The following LRRC8A variants were observed in gnomAD, a reference collection of about 807,000 sequenced individuals.
LRRC8A encodes volume-regulated anion channel subunit LRRC8A.
A neutral mutation model predicts 52.5 loss-of-function variants in LRRC8A; 24 were observed. That is an observed-to-expected ratio of 0.46 (90% CI 0.33 to 0.64). LRRC8A has a LOEUF of 0.64. Ranked by LOEUF, LRRC8A falls within the 30% of genes least tolerant of loss-of-function variation. The pLI, the probability that LRRC8A is intolerant of heterozygous loss-of-function variation, is 0.02. For missense variants in LRRC8A, 677 were observed against 1,094.7 expected, an observed-to-expected ratio of 0.62 and a Z score of 5.38; for synonymous variants, 492 against 494.2, an observed-to-expected ratio of 1.00 and a Z score of 0.06.
intron 1 of LRRC8A, among the ~76,000 whole-genome samples, chr9:128,883,308 C>A (rs1443486040): frequency 6.6e-6 from 1 of 152,234 alleles, no homozygotes; most frequent in African/African-American, 2.4e-5. Context: ...GTTAGTAGTA[C>A]TCTTAACCCC....
intron 3 of LRRC8A, among the ~76,000 whole-genome samples, chr9:128,910,862 C>T (rs1410934256): frequency 2.0e-5 from 3 of 152,206 alleles, no homozygotes; most frequent in African/African-American, 4.8e-5. Flanking sequence ...CTGCAGCCTC[C>T]GTGTGGCAAC....
chr9:128,908,690 C>T lies in LRRC8A; in HGVS notation c.1526C>T (p.Pro509Leu). ...AAGTTCACCGACATCAAGGAGATCC[C>T]GCTGTGGATCTATAGCCTGAAGACA... is the stretch of plus-strand genomic sequence containing the variant. ...HIKFTDIKEI[P>L]LWIYSLKTLE... Residue 509 changes from proline to leucine, a missense_variant, in exon 3 of 4, where the codon CCG becomes CTG. Transcript: ENST00000372600. 6.2e-7 allele frequency: 1 copy of T among 1,612,944 alleles called. No homozygotes were observed.
At chr9:128,904,759 C>T (rs1002702654) in intron 2 of LRRC8A, among the ~76,000 whole-genome samples, 2 of 151,884 alleles carry the variant, frequency 1.3e-5, no homozygotes, top group African/African-American at 4.8e-5. Flanking sequence ...CTTTGGGAGG[C>T]CAAGGCGGGC....
chr9:128,888,824 T>C (rs1416567199), intron 2 of LRRC8A, among the ~76,000 whole-genome samples: 1 of 151,998 alleles, frequency 6.6e-6, no homozygotes, highest in African/African-American at 2.4e-5. Context: ...CAGGAGTCTC[T>C]TTTCTCTCCC....
intron 2 of LRRC8A, among the ~76,000 whole-genome samples, chr9:128,895,101 G>A (rs991480360): frequency 6.6e-6 from 1 of 151,990 alleles, no homozygotes; most frequent in African/African-American, 2.4e-5. Flanking sequence ...TTTATGACTG[G>A]CTTCTTTCGC....
intron 2 of LRRC8A, among the ~76,000 whole-genome samples, chr9:128,890,601 G>A (rs1036309681): frequency 6.6e-6 from 1 of 152,154 alleles, no homozygotes; most frequent in African/African-American, 2.4e-5. Context: ...GGATCCCTGG[G>A]GGTAGCCCCC....
At position 128,902,138 on chromosome 9, in the gene LRRC8A, C is replaced by T. The variant is rs748632089; in HGVS notation, c.-8-5019C>T. Among the ~76,000 whole-genome samples, 1 of 152,228 alleles carries T rather than the reference C, an allele frequency of 6.6e-6. No homozygotes were observed. The highest frequency in any genetic ancestry group is 1.5e-5 in the Non-Finnish European group (1 of 68,038). On this transcript the variant is annotated intron_variant, in intron 2 of 3. Transcript: ENST00000372600. This position sits in a 1 kb window ranked among gnomAD's most constrained non-coding sequence, Gnocchi z 4.1. The stretch of plus-strand genomic sequence containing the variant: ...CTGCCATTGGAACCCCAGGGCCCTC[C>T]TCCACTCCCCAGACACACTCAAACT...
At chr9:128,883,009 C>G in intron 1 of LRRC8A, 1 of 377,794 alleles carries the variant, frequency 2.6e-6, no homozygotes, top group Non-Finnish European at 4.7e-6. Context: ...ACTGCTTCTT[C>G]CCCTTGATCT....
At position 128,916,294 on chromosome 9, in the gene LRRC8A, G is replaced by A; in HGVS notation, c.2356G>A (p.Val786Met). The part of the protein sequence containing the change: ...CPLLKRSGLV[V>M]EEDLFNTLPP... ...ACTGCTCAAGCGCAGCGGCTTGGTGGTGGAGGAGGACCTGTTCAACACACT... is the reference window on the plus strand; with the variant it reads ...ACTGCTCAAGCGCAGCGGCTTGGTGATGGAGGAGGACCTGTTCAACACACT... The change falls in exon 4 of 4, where the codon GTG becomes ATG. Residue 786 changes from valine to methionine, a missense_variant. Coordinates refer to ENST00000372600, the MANE Select transcript of LRRC8A (RefSeq NM_019594.4). The surrounding 1 kb of genome is among the most constrained non-coding windows in gnomAD (Gnocchi z 6.1). 6.2e-7 allele frequency: 1 copy of A among 1,613,372 alleles called. No individual in the cohort carries two copies. Among genetic ancestry groups the A allele is most frequent in the Non-Finnish European group, 8.5e-7 (1 of 1,179,950 alleles).
chr9:128,882,351 C>T (rs534982168), intron 1 of LRRC8A, 101 bp downstream of exon 1: 6 of 193,720 alleles, frequency 3.1e-5, no homozygotes, highest in Middle Eastern at 1.8e-3. Context: ...CCCGGGGCAT[C>T]TGGGGCTCTG....
intron 3 of LRRC8A, among the ~76,000 whole-genome samples, chr9:128,914,024 A>C (rs1324116495): frequency 1.3e-5 from 2 of 152,106 alleles, no homozygotes; most frequent in Non-Finnish European, 2.9e-5. Flanking sequence ...GGCCGACATA[A>C]TGAAACCCCG....
intron 2 of LRRC8A, among the ~76,000 whole-genome samples, chr9:128,897,822 G>A (rs1319219795): frequency 6.6e-6 from 1 of 152,032 alleles, no homozygotes; most frequent in Non-Finnish European, 1.5e-5. Flanking sequence ...GGGATTACAG[G>A]CGTACACCTC....
At position 128,909,312 on chromosome 9, in the gene LRRC8A, G is replaced by A. The variant is rs758886977; in HGVS notation, c.2148G>A (p.Thr716=). ...AGAACCTCCAGAACCTAGCCATCAC[G>A]GCCAACCGGGTGAGTGGCCCGGCCA... The part of the protein sequence containing the change: ...LLQNLQNLAI[T]ANRIETLPPE... Residue 716 remains threonine, a synonymous_variant, in exon 3 of 4, where the codon ACG becomes ACA. Coordinates refer to ENST00000372600, the MANE Select transcript of LRRC8A (RefSeq NM_019594.4). 21 of 1,612,466 alleles carry A rather than the reference G, an allele frequency of 1.3e-5. No homozygotes were observed. Among genetic ancestry groups the A allele is most frequent in the Middle Eastern group, 3.3e-4 (2 of 6,084 alleles).
chr9:128,907,973 T>A lies in LRRC8A; in HGVS notation c.809T>A (p.Ile270Asn). 6.2e-7 allele frequency: 1 copy of A among 1,614,092 alleles called. No homozygotes were observed. Among genetic ancestry groups the A allele is most frequent in the Non-Finnish European group, 8.5e-7 (1 of 1,180,014 alleles). Reference protein sequence around the residue: ...VYRLYMRQTIIKVIKFILIIC... With the variant: ...VYRLYMRQTINKVIKFILIIC... ...CGCCTCTACATGCGGCAGACCATCA[T>A]CAAGGTGATCAAGTTCATCCTCATC... Residue 270 changes from isoleucine (I) to asparagine (N), a missense_variant, in exon 3 of 4, where the codon ATC (isoleucine) becomes AAC (asparagine). Coordinates refer to ENST00000372600, the MANE Select transcript of LRRC8A (RefSeq NM_019594.4). This position sits in a 1 kb window ranked among gnomAD's most constrained non-coding sequence, Gnocchi z 9.3.
In LRRC8A at chr9:128,907,091, C is replaced by T; in HGVS notation, c.-8-66C>T. The T allele has an allele frequency of 1.6e-6, 2 of 1,280,838 alleles. No homozygotes were observed. The highest frequency in any genetic ancestry group is 2.2e-6 in the Non-Finnish European group (2 of 919,404). The allele number at this position is 1,280,838 out of a possible 1,614,324, so 79.3% of individuals were successfully genotyped here. Reference sequence around the variant, plus strand: ...GAAGAATTTTCATTGTCTTCTTCCCCTGACCCCTGGTCCTAGGAAAGCCAG... The same window carrying T: ...GAAGAATTTTCATTGTCTTCTTCCCTTGACCCCTGGTCCTAGGAAAGCCAG... On this transcript the variant is annotated intron_variant, in intron 2 of 3. Coordinates refer to ENST00000372600, the MANE Select transcript of LRRC8A (RefSeq NM_019594.4). This position sits in a 1 kb window ranked among gnomAD's most constrained non-coding sequence, Gnocchi z 9.3.
intron 2 of LRRC8A, among the ~76,000 whole-genome samples, chr9:128,901,369 CAG>C (rs943930943): frequency 7.9e-5 from 12 of 151,982 alleles, no homozygotes; most frequent in East Asian, 1.9e-4. Context: ...GAGGCTGAGT[CAG>C]GGGAATTATT....
chr9:128,887,297 T>G (rs1839433753), intron 2 of LRRC8A, among the ~76,000 whole-genome samples: 1 of 152,058 alleles, frequency 6.6e-6, no homozygotes, highest in African/African-American at 2.4e-5. Flanking sequence ...TAGCTGGGAC[T>G]GCAGGTGTGC....
chr9:128,896,414 GCTTT>G (rs1199307315), intron 2 of LRRC8A, among the ~76,000 whole-genome samples: 1 of 152,198 alleles, frequency 6.6e-6, no homozygotes, highest in East Asian at 1.9e-4. Context: ...GTGTGGAGCA[GCTTT>G]CTAAGATGCA....
chr9:128,896,423 G>T (rs1839826544), intron 2 of LRRC8A, among the ~76,000 whole-genome samples: 1 of 152,216 alleles, frequency 6.6e-6, no homozygotes, highest in Admixed American at 6.5e-5. Context: ...AGCTTTCTAA[G>T]ATGCATAAAT....
Sources: gnomAD v4.1 joint callset for allele counts (sites outside exome capture counted in the v4.1 genomes callset) on GRCh38, gnomAD v4.1.1 for gene constraint, Gnocchi (gnomAD v3.1) non-coding constraint, MANE v1.5 for transcripts, NCBI Gene and HGNC (gene_info 2026-07-23, HGNC 2026-07-21) for gene names.